Variants in LHFPL3 observed in about 807,000 individuals in gnomAD.
LHFPL3 encodes the protein LHFPL tetraspan subfamily member 3 protein.
LHFPL3 carries 5 observed loss-of-function variants against 19.3 expected under a neutral mutation model. That is an observed-to-expected ratio of 0.26 (90% CI 0.14 to 0.54). The LOEUF (loss-of-function observed/expected upper bound fraction) is 0.54, where lower values mean the gene tolerates loss of function less well. LHFPL3 is among the 20% of genes least tolerant of loss of function. The probability of loss-of-function intolerance (pLI) is 0.94; values close to 1 mark genes in which losing one functional copy is unlikely to be tolerated. For missense variants in LHFPL3, 249 were observed against 307.4 expected (o/e 0.81, Z 1.42); for synonymous variants, 133 against 126.2 (o/e 1.05, Z -0.36).
chr7:104,424,340 G>A (rs1410721048), intron 1 of LHFPL3, among the ~76,000 whole-genome samples: 2 of 152,174 alleles, frequency 1.3e-5, no homozygotes, highest in Non-Finnish European at 2.9e-5. Flanking sequence ...AAGTGCGGCT[G>A]TACGAAGGTA....
At chr7:104,373,207 T>TAA (rs1281842874) in intron 1 of LHFPL3, among the ~76,000 whole-genome samples, 2 of 152,180 alleles carry the variant, frequency 1.3e-5, no homozygotes, top group East Asian at 1.9e-4. Context: ...ATGTATCCCT[T>TAA]TGGTATATTC....
intron 1 of LHFPL3, among the ~76,000 whole-genome samples, chr7:104,352,564 C>T (rs966688016): frequency 2.0e-5 from 3 of 152,176 alleles, no homozygotes; most frequent in African/African-American, 7.2e-5. Flanking sequence ...TGCATGTCCC[C>T]TTTGATGAGC....
chr7:104,429,528 C>T (rs1791914475), intron 1 of LHFPL3, among the ~76,000 whole-genome samples: 1 of 150,756 alleles, frequency 6.6e-6, no homozygotes, highest in Non-Finnish European at 1.5e-5. Context: ...GTTGGCCAGG[C>T]TGGTCTCAAA....
At chr7:104,364,747 T>C (rs934970229) in intron 1 of LHFPL3, among the ~76,000 whole-genome samples, 8 of 152,226 alleles carry the variant, frequency 5.3e-5, no homozygotes, top group Admixed American at 3.3e-4. Context: ...TGGACGCCAG[T>C]AGAATGAAAC....
chr7:104,781,907 C>T (rs753697038), intron 2 of LHFPL3, among the ~76,000 whole-genome samples: 20 of 152,154 alleles, frequency 1.3e-4, no homozygotes, highest in Non-Finnish European at 2.6e-4. Context: ...CTCTGTCTGC[C>T]ACTTAAATAT....
intron 1 of LHFPL3, among the ~76,000 whole-genome samples, chr7:104,706,148 C>A (rs1336745894): frequency 6.6e-6 from 1 of 152,154 alleles, no homozygotes; most frequent in Non-Finnish European, 1.5e-5. Flanking sequence ...TATCAATTGA[C>A]TATTTTATGA....
intron 1 of LHFPL3, among the ~76,000 whole-genome samples, chr7:104,692,252 G>A (rs976542096): frequency 5.9e-5 from 9 of 152,168 alleles, no homozygotes; most frequent in Admixed American, 3.9e-4. Flanking sequence ...AAATTTGCAG[G>A]CTGATGATGT....
At chr7:104,854,901 A>T (rs1435890810) in intron 2 of LHFPL3, among the ~76,000 whole-genome samples, 1 of 152,228 alleles carries the variant, frequency 6.6e-6, no homozygotes. Context: ...GCAATGGCGT[A>T]TAATTTCTCA....
intron 1 of LHFPL3, chr7:104,668,218 A>C: frequency 1.2e-6 from 2 of 1,613,456 alleles, no homozygotes; most frequent in Non-Finnish European, 1.7e-6. Context: ...CTGAGTCTCA[A>C]TGAAGAGTCT....
intron 1 of LHFPL3, among the ~76,000 whole-genome samples, chr7:104,331,033 T>G (rs985668085): frequency 6.6e-6 from 1 of 152,240 alleles, no homozygotes; most frequent in Non-Finnish European, 1.5e-5. Context: ...CAACGTATTC[T>G]TCAATGTTTG....
intron 1 of LHFPL3, among the ~76,000 whole-genome samples, chr7:104,609,786 T>A (rs1990705): frequency 0.96 from 146,026 of 152,304 alleles, 70,257 homozygotes; most frequent in East Asian, 1. Flanking sequence ...TGCAGTAATT[T>A]AATAATACAA....
intron 1 of LHFPL3, among the ~76,000 whole-genome samples, chr7:104,488,745 G>C (rs1430913168): frequency 1.3e-5 from 2 of 152,128 alleles, no homozygotes; most frequent in Admixed American, 6.5e-5. Context: ...GTGAATGCAG[G>C]GTCAAGGAAT....
At chr7:104,457,184 A>T (rs1386800561) in intron 1 of LHFPL3, among the ~76,000 whole-genome samples, 1 of 152,048 alleles carries the variant, frequency 6.6e-6, no homozygotes, top group Non-Finnish European at 1.5e-5. Context: ...TTAGTTACAT[A>T]TGTATACATG....
In LHFPL3 at chr7:104,692,462, A is replaced by G. The variant is rs552980169; in HGVS notation, c.446-44213A>G. Among the ~76,000 whole-genome samples the G allele has an allele frequency of 6.6e-5, 10 of 152,344 alleles. No individual in the cohort carries two copies. The South Asian group carries it at 1.9e-3, about 28-fold the overall frequency. On this transcript the variant is annotated intron_variant, in intron 1 of 2. Coordinates refer to ENST00000424859, the MANE Select transcript of LHFPL3 (RefSeq NM_199000.3). The stretch of plus-strand genomic sequence containing the variant: ...AATAATTGTTTCATGGGCTGGGCCC[A>G]GGGTCTTGCTGCTTTGTGCAGTCTC...
At chr7:104,813,384 A>C (rs1790511116) in intron 2 of LHFPL3, among the ~76,000 whole-genome samples, 1 of 152,254 alleles carries the variant, frequency 6.6e-6, no homozygotes, top group Non-Finnish European at 1.5e-5. Context: ...AAAGAAAGCC[A>C]GGGAAGTGAT....
intron 1 of LHFPL3, among the ~76,000 whole-genome samples, chr7:104,581,538 T>C: frequency 6.6e-6 from 1 of 152,082 alleles, no homozygotes; most frequent in East Asian, 1.9e-4. Context: ...TTTTATTTTA[T>C]GCCTACTATG....
intron 1 of LHFPL3, among the ~76,000 whole-genome samples, chr7:104,605,515 A>G (rs1375375051): frequency 6.6e-6 from 1 of 152,208 alleles, no homozygotes; most frequent in Non-Finnish European, 1.5e-5. Flanking sequence ...GTCACAGAAT[A>G]ATTAATGAAA....
At chr7:104,767,708 TTAGA>T (rs1284634378) in intron 2 of LHFPL3, among the ~76,000 whole-genome samples, 2 of 152,128 alleles carry the variant, frequency 1.3e-5, no homozygotes, top group Non-Finnish European at 2.9e-5. Context: ...GACGTGGAAG[TTAGA>T]TAGATTAATC....
chr7:104,747,881 G>T (rs1377640179), intron 2 of LHFPL3, among the ~76,000 whole-genome samples: 1 of 152,190 alleles, frequency 6.6e-6, no homozygotes, highest in East Asian at 1.9e-4. Flanking sequence ...GAACAGCTCT[G>T]TAATCTTTTT....
Sources: gnomAD v4.1 joint callset for allele counts (sites outside exome capture counted in the v4.1 genomes callset) on GRCh38, gnomAD v4.1.1 for gene constraint, MANE v1.5 for transcripts, NCBI Gene and HGNC (gene_info 2026-07-23, HGNC 2026-07-21) for gene names.